EVC2: variants seen among roughly 807,000 people sequenced by gnomAD.
The protein encoded by EVC2 is EvC ciliary complex subunit 2.
In EVC2, 148 loss-of-function variants were observed where a neutral mutation model predicts 149.3. The observed-to-expected ratio is 0.99, with a 90% CI of 0.87 to 1.14. EVC2 has a LOEUF of 1.14. EVC2 is among the 50% of genes most tolerant of loss of function. The pLI, the probability that EVC2 is intolerant of heterozygous loss-of-function variation, is 0.00. For synonymous variants in EVC2, 776 were observed against 649.9 expected, an observed-to-expected ratio of 1.19 and a Z score of -2.95; for missense variants, 1,854 against 1,627.3, an observed-to-expected ratio of 1.14 and a Z score of -2.40.
rs576820741 is a variant in EVC2, at chr4:5,670,236, C to T, written c.871-4587G>A. ...TGATTATCAACATCATCAATATCCCCATCATAACTATCTTTACCATCACCA... is the reference window on the plus strand; with the variant it reads ...TGATTATCAACATCATCAATATCCCTATCATAACTATCTTTACCATCACCA... On this transcript the variant is annotated intron_variant, in intron 7 of 21. Transcript: ENST00000344408. This position sits in a 1 kb window ranked among gnomAD's most constrained non-coding sequence, Gnocchi z 5.2. 6.6e-6 allele frequency among the ~76,000 whole-genome samples: 1 copy of T among 152,254 alleles called. No individual in the cohort carries two copies. Among genetic ancestry groups the T allele is most frequent in the Non-Finnish European group, 1.5e-5 (1 of 68,022 alleles).
At chr4:5,671,701 G>C (rs191312499) in intron 7 of EVC2, among the ~76,000 whole-genome samples, 1 of 151,990 alleles carries the variant, frequency 6.6e-6, no homozygotes, top group Non-Finnish European at 1.5e-5. Context: ...TTGTAGAGAC[G>C]GGGTTTCACC....
At chr4:5,681,180 C>T in intron 7 of EVC2, 80 bp downstream of exon 7, 1 of 1,544,550 alleles carries the variant, frequency 6.5e-7, no homozygotes, top group Non-Finnish European at 9.0e-7. Context: ...GCTGGCCGCT[C>T]CCCATGGCTC....
Position 5,625,987 on chromosome 4 carries a change from C to G in EVC2, c.1887-79G>C. On this transcript the variant is annotated intron_variant, in intron 12 of 21. Coordinates refer to ENST00000344408, the MANE Select transcript of EVC2 (RefSeq NM_147127.5). The surrounding 1 kb of genome is among the most constrained non-coding windows in gnomAD (Gnocchi z 4.0). ...TTAACTGCTATTGTGCCTGAACATT[C>G]ATCTCCATATTAGTTTGGTTTGAAT... 2 of 1,546,028 alleles carry G rather than the reference C, an allele frequency of 1.3e-6. No individual in the cohort carries two copies. The highest frequency in any genetic ancestry group is 1.8e-6 in the Non-Finnish European group (2 of 1,123,790).
At chr4:5,611,965 AC>A (rs1714856662) in intron 16 of EVC2, among the ~76,000 whole-genome samples, 1 of 152,024 alleles carries the variant, frequency 6.6e-6, no homozygotes, top group South Asian at 2.1e-4. Context: ...GCCAGAAAAG[AC>A]CCCTTCCCTC....
At chr4:5,566,761 C>T (rs767689101) in intron 20 of EVC2, among the ~76,000 whole-genome samples, 6 of 152,038 alleles carry the variant, frequency 3.9e-5, no homozygotes, top group African/African-American at 7.2e-5. Flanking sequence ...CCATCTCTCC[C>T]CACTGGCCTC....
rs185308309 is a variant in EVC2, at chr4:5,565,772, G to C, written c.3558-413C>G. ...GCCACTAGGAACCCCCATCCCCAGA[G>C]TGTTCACCATTTATTCTTTCACTCA... On this transcript the variant is annotated intron_variant, in intron 20 of 21. Coordinates refer to ENST00000344408, the MANE Select transcript of EVC2 (RefSeq NM_147127.5). 2.6e-5 allele frequency among the ~76,000 whole-genome samples: 4 copies of C among 152,042 alleles called. No homozygotes were observed. The East Asian group carries it at 7.7e-4, about 29-fold the overall frequency.
At position 5,636,151 on chromosome 4, in the gene EVC2, C is replaced by A. The variant is rs1187248376; in HGVS notation, c.1471-4119G>T. ...GTCTTAAGGATGGGGAAAGGAGACC[C>A]AGGGTGACTGGGTAACGTGCCTACT... On this transcript the variant is annotated intron_variant, in intron 10 of 21. Coordinates refer to ENST00000344408, the MANE Select transcript of EVC2 (RefSeq NM_147127.5). This position sits in a 1 kb window ranked among gnomAD's most constrained non-coding sequence, Gnocchi z 4.6. 6.6e-6 allele frequency among the ~76,000 whole-genome samples: 1 copy of A among 152,158 alleles called. No homozygotes were observed. The highest frequency in any genetic ancestry group is 1.5e-5 in the Non-Finnish European group (1 of 68,034).
At chr4:5,701,337 C>T (rs755436917) in intron 1 of EVC2, among the ~76,000 whole-genome samples, 2 of 152,188 alleles carry the variant, frequency 1.3e-5, no homozygotes, top group Non-Finnish European at 2.9e-5. Context: ...TGTATAATGT[C>T]AATTCCCATG....
downstream of EVC2, among the ~76,000 whole-genome samples, chr4:5,559,292 A>G (rs1200490261): frequency 2.6e-5 from 4 of 152,220 alleles, no homozygotes; most frequent in Non-Finnish European, 5.9e-5. This position sits in a 1 kb window ranked among gnomAD's most constrained non-coding sequence, Gnocchi z 5.0. Flanking sequence ...CAGTAAATTC[A>G]TATTTAGCAT....
intron 4 of EVC2, among the ~76,000 whole-genome samples, chr4:5,689,603 G>A (rs990446638): frequency 1.3e-5 from 2 of 152,204 alleles, no homozygotes; most frequent in African/African-American, 2.4e-5. Flanking sequence ...AATCCTTGCA[G>A]AGAATCTTAG....
At chr4:5,662,647 AATT>A (rs1295847905) in intron 9 of EVC2, among the ~76,000 whole-genome samples, 3 of 145,814 alleles carry the variant, frequency 2.1e-5, no homozygotes, top group South Asian at 2.1e-4. Context: ...ATAATATATT[AATT>A]ATATTTATAT....
upstream of EVC2, chr4:5,709,499 T>A (rs1379384548): frequency 6.6e-6 from 1 of 152,228 alleles, no homozygotes; most frequent in East Asian, 1.9e-4. Flanking sequence ...AGGCCTTTCC[T>A]GACCTAACAT....
At chr4:5,537,929 C>T (rs901335512), downstream of EVC2, among the ~76,000 whole-genome samples, 1 of 151,654 alleles carries the variant, frequency 6.6e-6, no homozygotes, top group Non-Finnish European at 1.5e-5. Context: ...AAGGAAACAA[C>T]AAAGATAAGA....
At chr4:5,671,301 T>G (rs112018105) in intron 7 of EVC2, among the ~76,000 whole-genome samples, 1 of 152,310 alleles carries the variant, frequency 6.6e-6, no homozygotes, top group Non-Finnish European at 1.5e-5. Context: ...TCAGGAGCCC[T>G]GCATCGAGCC....
chr4:5,532,852 G>C, the EVC2 span, among the ~76,000 whole-genome samples: 2 of 151,904 alleles, frequency 1.3e-5, no homozygotes, highest in African/African-American at 2.4e-5. Flanking sequence ...GCAGGGATGG[G>C]AGCAGAGATG....
chr4:5,562,075 G>A (rs1577092103), downstream of EVC2, among the ~76,000 whole-genome samples: 1 of 152,188 alleles, frequency 6.6e-6, no homozygotes, highest in African/African-American at 2.4e-5. This position sits in a 1 kb window ranked among gnomAD's most constrained non-coding sequence, Gnocchi z 4.3. Flanking sequence ...ACAAGCACTT[G>A]TATGGAGTCT....
chr4:5,563,249 TC>T (rs1722068025), intron 21 of EVC2, 134 bp from the exon 22 acceptor site: 3 of 851,608 alleles, frequency 3.5e-6, no homozygotes, highest in Non-Finnish European at 5.6e-6. Context: ...AAGGTTATTT[TC>T]CCCCTTGGTC....
intron 16 of EVC2, among the ~76,000 whole-genome samples, chr4:5,607,891 T>TG (rs1320115830): frequency 2.7e-5 from 4 of 150,816 alleles, no homozygotes; most frequent in Non-Finnish European, 5.9e-5. Context: ...GGAACAGGGA[T>TG]GGGGGAGAAC....
At chr4:5,626,579 C>T (rs1716133115) in intron 12 of EVC2, among the ~76,000 whole-genome samples, 1 of 152,068 alleles carries the variant, frequency 6.6e-6, no homozygotes. Flanking sequence ...CGTGATCCAC[C>T]CGCCTCGGCC....
Sources: allele counts gnomAD v4.1 joint callset (sites outside exome capture counted in the v4.1 genomes callset), GRCh38; gene constraint gnomAD v4.1.1; non-coding constraint Gnocchi (gnomAD v3.1); transcripts MANE v1.5; gene names NCBI Gene and HGNC (gene_info 2026-07-23, HGNC 2026-07-21).